The following GTF2H1 variants were observed in gnomAD, a reference collection of about 807,000 sequenced individuals.
GTF2H1 encodes the protein general transcription factor IIH subunit 1.
Under a neutral mutation model 71.2 loss-of-function variants are expected in GTF2H1, and 16 were observed. The ratio of observed to expected loss-of-function variants is 0.22; its 90% confidence interval spans 0.15 to 0.34. The LOEUF is 0.34. GTF2H1 is among the 10% of genes least tolerant of loss of function. The pLI is 1.00. For synonymous variants in GTF2H1, 215 were observed against 219.0 expected (o/e 0.98, Z 0.16); for missense variants, 498 against 648.2 (o/e 0.77, Z 2.52).
At chr11:18,343,260 G>T (rs928197471) in intron 7 of GTF2H1, among the ~76,000 whole-genome samples, 1 of 152,140 alleles carries the variant, frequency 6.6e-6, no homozygotes, top group African/African-American at 2.4e-5. Context: ...GTTTTCCTTA[G>T]TGAGGCTAAT....
At position 18,351,882 on chromosome 11, in the gene GTF2H1, C is replaced by T. The variant is rs532572506; in HGVS notation, c.1055C>T (p.Ala352Val). 6.2e-5 allele frequency: 92 copies of T among 1,488,374 alleles called. No individual in the cohort carries two copies. Among genetic ancestry groups the T allele is most frequent in the African/African-American group, 5.3e-4 (38 of 72,302 alleles). 92.2% of individuals were successfully genotyped at this position (1,488,374 alleles called of 1,614,324 possible). ...ADCFQPAVKR[A>V]KLQESIEYED... Reference sequence around the variant, plus strand: ...AAAGTACTGTGTTAATAATTATAGGCGAAATTACAAGAGTCCATTGAATAT... The same window carrying T: ...AAAGTACTGTGTTAATAATTATAGGTGAAATTACAAGAGTCCATTGAATAT... The change falls in exon 10 of 15, where the codon GCG (alanine) becomes GTG (valine). Residue 352 changes from alanine (A) to valine (V), a missense_variant and splice_region_variant. Physicochemically the swap from Ala to Val is moderately conservative, Grantham distance 64 (BLOSUM62 0). Around this residue, in one of 3 missense-constraint regions of GTF2H1, gnomAD observed 266 missense variants for 301.6 expected, o/e 0.88. Coordinates refer to ENST00000265963, the MANE Select transcript of GTF2H1 (RefSeq NM_005316.4).
At chr11:18,327,393 A>G (rs1864792532) in intron 1 of GTF2H1, among the ~76,000 whole-genome samples, 1 of 152,222 alleles carries the variant, frequency 6.6e-6, no homozygotes, top group Non-Finnish European at 1.5e-5. Flanking sequence ...TCAGAGTAAC[A>G]TAGTGAAATT....
chr11:18,356,457 A>G (rs1277399239), intron 11 of GTF2H1, among the ~76,000 whole-genome samples: 1 of 152,132 alleles, frequency 6.6e-6, no homozygotes, highest in Non-Finnish European at 1.5e-5. Context: ...GCTAGAAAAT[A>G]CATATGTGTA....
chr11:18,334,249 G>A (rs1245405506), intron 2 of GTF2H1, among the ~76,000 whole-genome samples: 4 of 152,120 alleles, frequency 2.6e-5, no homozygotes, highest in Non-Finnish European at 5.9e-5. Context: ...GCATGGTGGC[G>A]GGCGCCTGTA....
At chr11:18,340,280 C>T (rs1471193241) in intron 5 of GTF2H1, among the ~76,000 whole-genome samples, 1 of 151,292 alleles carries the variant, frequency 6.6e-6, no homozygotes, top group Admixed American at 6.6e-5. Context: ...CAAAACAAGA[C>T]CCTATCTCTT....
At chr11:18,329,944 A>T (rs546774803) in intron 1 of GTF2H1, among the ~76,000 whole-genome samples, 1 of 152,210 alleles carries the variant, frequency 6.6e-6, no homozygotes, top group South Asian at 2.1e-4. Context: ...GATAAAAACT[A>T]ATCTGTGGTG....
chr11:18,335,943 A>C lies in GTF2H1; in HGVS notation c.344A>C (p.Asn115Thr). Residue 115 changes from asparagine (N) to threonine (T), a missense_variant, in exon 3 of 15, where the codon AAC (asparagine) becomes ACC (threonine). Transcript: ENST00000265963. ...GCAAATAAAGAACTGGAAGAGAAGAACAGGTGGGAGGAAAAGAATAGCCTT... is the reference window on the plus strand; with the variant it reads ...GCAAATAAAGAACTGGAAGAGAAGACCAGGTGGGAGGAAAAGAATAGCCTT... ...RKANKELEEK[N>T]RMLQEDPVLF... is the part of the protein sequence containing the mutation. The C allele has an allele frequency of 6.2e-7, 1 of 1,612,886 alleles. No homozygotes were observed. Among genetic ancestry groups the C allele is most frequent in the Non-Finnish European group, 8.5e-7 (1 of 1,178,976 alleles).
intron 1 of GTF2H1, among the ~76,000 whole-genome samples, chr11:18,328,646 G>A (rs987845168): frequency 3.3e-5 from 5 of 151,754 alleles, no homozygotes; most frequent in Non-Finnish European, 5.9e-5. Context: ...CTAACACGGC[G>A]AAACTCCATC....
At chr11:18,335,612 G>A (rs975242386) in intron 2 of GTF2H1, 142 bp from the exon 3 acceptor site, 1 of 609,458 alleles carries the variant, frequency 1.6e-6, no homozygotes, top group Non-Finnish European at 3.0e-6. Context: ...TAAGAAGAGT[G>A]CATTCTACAA....
In GTF2H1 at chr11:18,358,414, T is replaced by C. The variant is rs575818692; in HGVS notation, c.1352-111T>C. 9.7e-6 allele frequency: 6 copies of C among 621,478 alleles called. No homozygotes were observed. In the East Asian group the frequency reaches 1.7e-4, roughly 17 times the overall value. 38.5% of individuals were successfully genotyped at this position (621,478 alleles called of 1,614,324 possible). ...TATCTGAAAATAGCACATCCTGGTT[T>C]GGCATTGACAAAGAGTACACATTCA... On this transcript the variant is annotated intron_variant, in intron 12 of 14. Transcript: ENST00000265963.
At chr11:18,347,745 T>C in intron 8 of GTF2H1, 30 bp downstream of exon 8, 1 of 1,607,518 alleles carries the variant, frequency 6.2e-7, no homozygotes, top group Non-Finnish European at 8.5e-7. Context: ...GTGCAGTAAC[T>C]GGGCTTTTCA....
At position 18,366,130 on chromosome 11, in the gene GTF2H1, T is replaced by C. The variant is rs967094011; in HGVS notation, c.*261T>C. 29 of 471,536 alleles carry C rather than the reference T, an allele frequency of 6.2e-5. No homozygotes were observed. The highest frequency in any genetic ancestry group is 5.8e-4 in the Admixed American group (16 of 27,782). 29.2% of individuals were successfully genotyped at this position (471,536 alleles called of 1,614,324 possible). A position where few individuals can be genotyped will look rare whatever the true frequency, so the allele number is the denominator to read the frequency against. On this transcript the variant is annotated 3_prime_UTR_variant, in exon 15 of 15. Transcript: ENST00000265963. The stretch of plus-strand genomic sequence containing the variant: ...ATATATATATATACACACACACACA[T>C]ATATGTACATGTGTATGTACATATA...
At position 18,332,807 on chromosome 11, in the gene GTF2H1, TTAA is replaced by T. The variant is rs561775344; in HGVS notation, c.-15-247_-15-245del. 235 of 259,892 alleles carry T rather than the reference TTAA, an allele frequency of 9.0e-4. 3 individuals are homozygous for T. The South Asian group carries it at 0.017, about 19-fold the overall frequency. 16.1% of individuals were successfully genotyped at this position (259,892 alleles called of 1,614,324 possible). On this transcript the variant is annotated intron_variant, in intron 1 of 14. Transcript: ENST00000265963. The stretch of plus-strand genomic sequence containing the variant: ...TAAGAATATAACTGAGGAAAATAAA[TTAA>T]TAATACTCATTAGCATATAAGTATT...
chr11:18,336,029 C>G, intron 3 of GTF2H1, 83 bp downstream of exon 3: 1 of 945,706 alleles, frequency 1.1e-6, no homozygotes, highest in Middle Eastern at 2.3e-4. Flanking sequence ...TTAGCTATCC[C>G]CACGTTTTTT....
At chr11:18,360,580 T>A (rs767865360) in intron 13 of GTF2H1, 35 bp from the exon 14 acceptor site, 6 of 1,022,162 alleles carry the variant, frequency 5.9e-6, no homozygotes, top group Non-Finnish European at 8.8e-6. Flanking sequence ...CAGCTTGAGA[T>A]TTCTCTGTAA....
At chr11:18,354,261 A>G (rs1255779287) in intron 11 of GTF2H1, among the ~76,000 whole-genome samples, 1 of 152,226 alleles carries the variant, frequency 6.6e-6, no homozygotes, top group Non-Finnish European at 1.5e-5. Flanking sequence ...ATTTGTATAT[A>G]TCCTAGCTTG....
chr11:18,333,450 A>G, intron 2 of GTF2H1: 1 of 346,462 alleles, frequency 2.9e-6, no homozygotes, highest in Admixed American at 4.6e-5. Context: ...CCTGACATAT[A>G]GATCTCCACA....
chr11:18,360,844 C>T (rs1489906858), intron 14 of GTF2H1, 137 bp downstream of exon 14: 10 of 558,104 alleles, frequency 1.8e-5, no homozygotes, highest in Non-Finnish European at 1.8e-5. Context: ...CTCACTCTGT[C>T]GCCCAGGCTG....
intron 1 of GTF2H1, among the ~76,000 whole-genome samples, chr11:18,330,093 G>A (rs530914898): frequency 1.6e-4 from 25 of 152,282 alleles, no homozygotes; most frequent in South Asian, 4.2e-4. Context: ...TAGTCAAAAC[G>A]CATCGAACAG....
Sources: gnomAD v4.1 joint callset for allele counts (sites outside exome capture counted in the v4.1 genomes callset) on GRCh38, gnomAD v4.1.1 for gene constraint, gnomAD v4.1.1 regional missense constraint, MANE v1.5 for transcripts, NCBI Gene and HGNC (gene_info 2026-07-23, HGNC 2026-07-21) for gene names.